Variants in DLG2 observed in about 807,000 individuals in gnomAD.
DLG2 encodes the protein discs large MAGUK scaffold protein 2, also known as disks large homolog 2.
Under a neutral mutation model 132.5 loss-of-function variants are expected in DLG2, and 45 were observed. That is an observed-to-expected ratio of 0.34 (90% CI 0.27 to 0.44). The LOEUF is 0.44. Ranked by LOEUF, DLG2 falls within the 20% of genes least tolerant of loss-of-function variation. The pLI is 1.00. For missense variants in DLG2, 1,045 were observed against 1,196.9 expected (o/e 0.87, Z 1.87); for synonymous variants, 424 against 419.6 (o/e 1.01, Z -0.13).
At chr11:84,432,700 GAGAGT>G (rs1602021485) in intron 7 of DLG2, among the ~76,000 whole-genome samples, 2 of 152,264 alleles carry the variant, frequency 1.3e-5, no homozygotes, top group East Asian at 1.9e-4. Context: ...AGACAAGGGG[GAGAGT>G]AGAACTAGTG....
chr11:84,481,445 A>C (rs1467085468), intron 7 of DLG2, among the ~76,000 whole-genome samples: 2 of 152,098 alleles, frequency 1.3e-5, no homozygotes, highest in African/African-American at 4.8e-5. Context: ...GCTTGGCCTT[A>C]TCACCTGTAA....
intron 6 of DLG2, among the ~76,000 whole-genome samples, chr11:84,637,683 C>T (rs996867960): frequency 6.6e-6 from 1 of 152,318 alleles, no homozygotes; most frequent in South Asian, 2.1e-4. Flanking sequence ...AAGTGCCAGG[C>T]ACTACTCTCT....
At chr11:85,049,964 A>G (rs1380963094) in intron 6 of DLG2, among the ~76,000 whole-genome samples, 2 of 152,064 alleles carry the variant, frequency 1.3e-5, no homozygotes, top group Admixed American at 6.6e-5. Context: ...TTGAACCTAT[A>G]CATCTATGAT....
chr11:84,390,157 C>T (rs1321745872), intron 7 of DLG2, among the ~76,000 whole-genome samples: 7 of 152,228 alleles, frequency 4.6e-5, no homozygotes, highest in East Asian at 1.9e-4. Context: ...ACAGCCTTTA[C>T]ATCCAATTCT....
rs549215120 is a variant in DLG2 at position 83,849,194 on chromosome 11, C to G, written c.1566-15424G>C. ...CTTGTTGAACCTCAGTTTTTATATC[C>G]CAAAATGGGTATAATGGTAGTACTT... On this transcript the variant is annotated intron_variant, in intron 16 of 27. Transcript: ENST00000376104. 4.7e-4 allele frequency among the ~76,000 whole-genome samples: 71 copies of G among 151,488 alleles called. 1 individual carries two copies. The South Asian group carries it at 0.01, about 22-fold the overall frequency.
intron 3 of DLG2, among the ~76,000 whole-genome samples, chr11:85,411,380 G>A (rs1226344636): frequency 1.3e-5 from 2 of 151,824 alleles, no homozygotes; most frequent in African/African-American, 4.8e-5. Flanking sequence ...GTCTCTTGCA[G>A]CGTTAAAGAA....
At chr11:84,377,130 T>C (rs2098732530) in intron 7 of DLG2, among the ~76,000 whole-genome samples, 3 of 152,204 alleles carry the variant, frequency 2.0e-5, no homozygotes, top group South Asian at 4.1e-4. Context: ...GCACCATCTG[T>C]GAAGTATCCA....
intron 6 of DLG2, among the ~76,000 whole-genome samples, chr11:85,098,230 T>G (rs901008756): frequency 3.9e-5 from 6 of 152,212 alleles, no homozygotes; most frequent in Non-Finnish European, 5.9e-5. Context: ...GTCCATGCTC[T>G]TTCCAGTGTA....
intron 11 of DLG2, among the ~76,000 whole-genome samples, chr11:84,020,806 C>T (rs915205730): frequency 1.9e-4 from 29 of 152,144 alleles, no homozygotes; most frequent in Admixed American, 3.3e-4. Flanking sequence ...TAAATTAGAA[C>T]GATTGCCATT....
intron 6 of DLG2, among the ~76,000 whole-genome samples, chr11:84,902,079 C>A (rs867609997): frequency 1.3e-5 from 2 of 152,060 alleles, no homozygotes; most frequent in African/African-American, 4.8e-5. Flanking sequence ...GTTAAGCTAA[C>A]CTTGTTAATG....
chr11:85,154,681 CCT>C, intron 4 of DLG2, 30 bp from the exon 5 acceptor site: 1 of 1,082,850 alleles, frequency 9.2e-7, no homozygotes, highest in Non-Finnish European at 1.4e-6. Context: ...AATCAATACT[CCT>C]TTTTTATTTT....
intron 3 of DLG2, among the ~76,000 whole-genome samples, chr11:85,528,847 C>T (rs990179852): frequency 1.3e-5 from 2 of 152,116 alleles, no homozygotes; most frequent in African/African-American, 2.4e-5. Context: ...ATTCAGCTGG[C>T]CCTGTTTCTA....
At chr11:84,535,391 GC>G (rs1288247910) in intron 6 of DLG2, among the ~76,000 whole-genome samples, 6 of 152,282 alleles carry the variant, frequency 3.9e-5, no homozygotes, top group Non-Finnish European at 1.5e-5. Context: ...AAAAATCAAG[GC>G]AAGTTATCTG....
In DLG2 at chr11:83,743,449, T is replaced by TCTTTTTTTTTTTTTTTTA. The variant is rs1555372680; in HGVS notation, c.1825+43240_1825+43241insTAAAAAAAAAAAAAAAAG. ...AGGCCATTTTTTTTTTTTTTTTTTT[T>TCTTTTTTTTTTTTTTTTA]ATGACAGGGTCTCACTTTGTCACCC... is the stretch of plus-strand genomic sequence containing the variant. On this transcript the variant is annotated intron_variant, in intron 18 of 27. Coordinates refer to ENST00000376104, the MANE Select transcript of DLG2 (RefSeq NM_001142699.3). Among the ~76,000 whole-genome samples the TCTTTTTTTTTTTTTTTTA allele has an allele frequency of 7.3e-4, 90 of 124,110 alleles. 11 individuals are homozygous for TCTTTTTTTTTTTTTTTTA. Among genetic ancestry groups the TCTTTTTTTTTTTTTTTTA allele is most frequent in the African/African-American group, 3.6e-3 (87 of 24,128 alleles). 81.4% of individuals were successfully genotyped at this position (124,110 alleles called of 152,430 possible). A position where few individuals can be genotyped will look rare whatever the true frequency, so the allele number is the denominator to read the frequency against.
intron 4 of DLG2, among the ~76,000 whole-genome samples, chr11:85,272,723 A>G (rs549611251): frequency 6.6e-6 from 1 of 152,286 alleles, no homozygotes; most frequent in South Asian, 2.1e-4. Flanking sequence ...TCAAGCTACC[A>G]ATGACTCTTC....
rs367625462 is a variant in DLG2, at chr11:83,723,416, CA to C, written c.1825+63273del. Reference sequence around the variant, plus strand: ...AAATAAATAATTAAATTGAAAACAACAAAACAACAAATGAGGTGAATTTAGT... The same window carrying C: ...AAATAAATAATTAAATTGAAAACAACAAACAACAAATGAGGTGAATTTAGT... On this transcript the variant is annotated intron_variant, in intron 18 of 27. Coordinates refer to ENST00000376104, the MANE Select transcript of DLG2 (RefSeq NM_001142699.3). 5.5e-4 allele frequency among the ~76,000 whole-genome samples: 84 copies of C among 152,046 alleles called. No individual in the cohort carries two copies. In the East Asian group the frequency reaches 0.014, roughly 25 times the overall value.
At chr11:84,952,372 C>G (rs1295525340) in intron 6 of DLG2, among the ~76,000 whole-genome samples, 1 of 152,150 alleles carries the variant, frequency 6.6e-6, no homozygotes, top group Non-Finnish European at 1.5e-5. Flanking sequence ...AAAAAATTAG[C>G]CGGGCGCAGT....
chr11:85,303,674 G>A (rs1245367714), intron 3 of DLG2, among the ~76,000 whole-genome samples: 2 of 152,170 alleles, frequency 1.3e-5, no homozygotes, highest in Non-Finnish European at 2.9e-5. Context: ...GTCTGTGTGC[G>A]TATGCAGTAT....
intron 8 of DLG2, among the ~76,000 whole-genome samples, chr11:84,176,365 A>G (rs2095968245): frequency 6.7e-6 from 1 of 149,066 alleles, no homozygotes; most frequent in Admixed American, 6.7e-5. Flanking sequence ...ATATAATTAT[A>G]TATAAGCATA....
Sources: allele counts gnomAD v4.1 joint callset (sites outside exome capture counted in the v4.1 genomes callset), GRCh38; gene constraint gnomAD v4.1.1; transcripts MANE v1.5; gene names NCBI Gene and HGNC (gene_info 2026-07-23, HGNC 2026-07-21).